Variants in FOXP2 observed in about 807,000 individuals in gnomAD.
FOXP2 encodes the protein forkhead box protein P2.
FOXP2 carries 12 observed loss-of-function variants against 115.8 expected under a neutral mutation model. The ratio of observed to expected loss-of-function variants is 0.10; its 90% confidence interval spans 0.07 to 0.17. The LOEUF is 0.17. FOXP2 is among the 10% of genes least tolerant of loss of function. The probability of loss-of-function intolerance (pLI) is 1.00; values close to 1 mark genes in which losing one functional copy is unlikely to be tolerated. For synonymous variants in FOXP2, 328 were observed against 297.7 expected, an observed-to-expected ratio of 1.10 and a Z score of -1.05; for missense variants, 629 against 843.5, an observed-to-expected ratio of 0.75 and a Z score of 3.15.
chr7:114,628,780 A>T (rs1052696014), intron 4 of FOXP2, 103 bp downstream of exon 4: 34 of 1,398,390 alleles, frequency 2.4e-5, no homozygotes, highest in African/African-American at 5.7e-5. Context: ...TCCATTTGAA[A>T]GGACAACCTA....
intron 1 of FOXP2, among the ~76,000 whole-genome samples, chr7:114,204,600 C>T (rs1245595254): frequency 1.3e-5 from 2 of 152,116 alleles, no homozygotes; most frequent in East Asian, 3.9e-4. Context: ...TGTTGTAAAA[C>T]AAAACAAAAC....
chr7:114,578,065 AT>A (rs1465339593), intron 3 of FOXP2, among the ~76,000 whole-genome samples: 3 of 151,960 alleles, frequency 2.0e-5, no homozygotes, highest in African/African-American at 7.2e-5. Flanking sequence ...CCTGAAGAAC[AT>A]TTTCTGGTGC....
intron 2 of FOXP2, among the ~76,000 whole-genome samples, chr7:114,352,644 G>A (rs1441495274): frequency 6.6e-6 from 1 of 152,104 alleles, no homozygotes; most frequent in East Asian, 1.9e-4. Context: ...TTAGCTTGTA[G>A]TGTGTTTTCA....
chr7:114,220,220 G>T (rs1440568612), intron 1 of FOXP2, among the ~76,000 whole-genome samples: 1 of 151,398 alleles, frequency 6.6e-6, no homozygotes. Flanking sequence ...AGTTGTAGTT[G>T]TTTCTTTTTT....
intron 2 of FOXP2, among the ~76,000 whole-genome samples, chr7:114,435,032 C>T (rs964359125): frequency 1.5e-4 from 23 of 152,164 alleles, no homozygotes; most frequent in African/African-American, 5.5e-4. Context: ...AATCAGCTCT[C>T]TCATAATGCT....
At chr7:114,491,038 G>A (rs965325160) in intron 2 of FOXP2, among the ~76,000 whole-genome samples, 16 of 152,180 alleles carry the variant, frequency 1.1e-4, no homozygotes, top group Non-Finnish European at 8.8e-5. Context: ...GGATGGCTGG[G>A]CCAAATGGTA....
intron 1 of FOXP2, among the ~76,000 whole-genome samples, chr7:114,134,988 A>G (rs1791999871): frequency 6.6e-6 from 1 of 152,214 alleles, no homozygotes; most frequent in East Asian, 1.9e-4. Flanking sequence ...TCCTTTCTTC[A>G]CTGTTATAAA....
intron 2 of FOXP2, among the ~76,000 whole-genome samples, chr7:114,487,229 G>A (rs1245025958): frequency 6.6e-6 from 1 of 152,194 alleles, no homozygotes; most frequent in African/African-American, 2.4e-5. Context: ...TCAACACAAT[G>A]TGGCAGCTGC....
chr7:114,565,383 C>T (rs1282800689), intron 3 of FOXP2, among the ~76,000 whole-genome samples: 1 of 152,054 alleles, frequency 6.6e-6, no homozygotes, highest in Non-Finnish European at 1.5e-5. Flanking sequence ...GGAAAAAATA[C>T]CTGTCATGCA....
chr7:114,148,864 T>G (rs981211821), intron 1 of FOXP2, among the ~76,000 whole-genome samples: 3 of 152,282 alleles, frequency 2.0e-5, no homozygotes, highest in African/African-American at 7.2e-5. Context: ...ACTGTTCTAG[T>G]TCAGGTTTTC....
intron 2 of FOXP2, among the ~76,000 whole-genome samples, chr7:114,299,404 A>T (rs1157622331): frequency 6.6e-6 from 1 of 152,012 alleles, no homozygotes; most frequent in Non-Finnish European, 1.5e-5. Flanking sequence ...TGGGAAACTG[A>T]TCCCATATCT....
At position 114,551,697 on chromosome 7, in the gene FOXP2, AAAG is replaced by A. The variant is rs138458974; in HGVS notation, c.258+16993_258+16995del. On this transcript the variant is annotated intron_variant, in intron 3 of 16. Transcript: ENST00000350908. ...AAGGGTTACCAGATATTTTTTAAAA[AAAG>A]AGAGAGAAAAATGTAGAAAAGTATT... Among the ~76,000 whole-genome samples, 1,304 of 152,272 alleles carry A rather than the reference AAAG, an allele frequency of 8.6e-3. 14 individuals carry two copies. Among genetic ancestry groups the A allele is most frequent in the African/African-American group, 0.03 (1,248 of 41,560 alleles).
Position 114,599,755 on chromosome 7 carries a change from A to G in FOXP2, c.259-28785A>G, listed in dbSNP as rs114256303. 8.5e-3 allele frequency among the ~76,000 whole-genome samples: 1,289 copies of G among 152,192 alleles called. 24 individuals carry two copies. Among genetic ancestry groups the G allele is most frequent in the African/African-American group, 0.03 (1,229 of 41,540 alleles). On this transcript the variant is annotated intron_variant, in intron 3 of 16. Transcript: ENST00000350908. ...ATTTCTGTCTTTTTTTAAAAATAAG[A>G]TAAGTATTGATGAAATTATGTCAAT...
intron 3 of FOXP2, among the ~76,000 whole-genome samples, chr7:114,604,072 C>T (rs1563028187): frequency 6.6e-6 from 1 of 152,088 alleles, no homozygotes; most frequent in African/African-American, 2.4e-5. Flanking sequence ...AACAAATTAC[C>T]ATAACGTGAG....
chr7:114,537,304 A>G (rs752914132), intron 3 of FOXP2, among the ~76,000 whole-genome samples: 6 of 151,616 alleles, frequency 4.0e-5, no homozygotes, highest in Non-Finnish European at 7.4e-5. Context: ...GTGCAAGGCA[A>G]GATATTTGGT....
At chr7:114,190,050 T>G (rs1473789249) in intron 1 of FOXP2, among the ~76,000 whole-genome samples, 3 of 152,192 alleles carry the variant, frequency 2.0e-5, no homozygotes, top group Non-Finnish European at 4.4e-5. Context: ...TTACTTATCT[T>G]AGGACCCAGA....
chr7:114,380,823 C>T (rs1792271034), intron 2 of FOXP2, among the ~76,000 whole-genome samples: 1 of 152,210 alleles, frequency 6.6e-6, no homozygotes, highest in Non-Finnish European at 1.5e-5. Context: ...TACCTGTAAA[C>T]AATGAGGCCA....
At chr7:114,399,108 CTTTTTCTTTTT>C in intron 2 of FOXP2, among the ~76,000 whole-genome samples, 1 of 107,906 alleles carries the variant, frequency 9.3e-6, no homozygotes, top group East Asian at 6.1e-4. Flanking sequence ...CTTTCTTTTT[CTTTTTCTTTTT>C]TTTTTTTTTG....
intron 2 of FOXP2, among the ~76,000 whole-genome samples, chr7:114,471,921 C>T (rs1796065389): frequency 1.3e-5 from 2 of 150,670 alleles, no homozygotes; most frequent in Admixed American, 1.3e-4. Flanking sequence ...GATTGCACTG[C>T]TGCACTCCAG....
Sources: gnomAD v4.1 joint callset for allele counts (sites outside exome capture counted in the v4.1 genomes callset) on GRCh38, gnomAD v4.1.1 for gene constraint, MANE v1.5 for transcripts, NCBI Gene and HGNC (gene_info 2026-07-23, HGNC 2026-07-21) for gene names.